The following L3MBTL4 variants were observed in gnomAD, a reference collection of about 807,000 sequenced individuals.
L3MBTL4 encodes L3MBTL histone methyl-lysine binding protein 4.
Under a neutral mutation model 84.5 loss-of-function variants are expected in L3MBTL4, and 70 were observed. The ratio of observed to expected loss-of-function variants is 0.83; its 90% CI spans 0.68 to 1.01. The LOEUF (loss-of-function observed/expected upper bound fraction) is 1.01. Among genes scored for constraint, L3MBTL4 ranks in the 50% least tolerant of loss-of-function variants. The probability of loss-of-function intolerance (pLI) is 0.00; values close to 1 mark genes in which losing one functional copy is unlikely to be tolerated. For missense variants in L3MBTL4, 715 were observed against 754.8 expected (o/e 0.95, Z 0.62); for synonymous variants, 274 against 259.8 (o/e 1.05, Z -0.52).
chr18:5,992,459 C>T (rs915830898), intron 16 of L3MBTL4, among the ~76,000 whole-genome samples: 1 of 152,106 alleles, frequency 6.6e-6, no homozygotes, highest in Non-Finnish European at 1.5e-5. Flanking sequence ...ACCAGGAAAT[C>T]CCCCAAGAAC....
intron 1 of L3MBTL4, among the ~76,000 whole-genome samples, chr18:6,342,681 T>C (rs970834390): frequency 2.0e-5 from 3 of 151,928 alleles, no homozygotes; most frequent in Non-Finnish European, 2.9e-5. Context: ...ATAAATAAAC[T>C]ACAAAACAGT....
rs1350606836 is a variant in L3MBTL4, at chr18:6,414,843, A to G, written c.-133T>C. 1 of 150,504 alleles carries G rather than the reference A, an allele frequency of 6.6e-6. No individual in the cohort carries two copies. Among genetic ancestry groups the G allele is most frequent in the East Asian group, 2.0e-4 (1 of 5,104 alleles). The allele number at this position is 150,504 out of a possible 1,614,324, so 9.3% of individuals were successfully genotyped here. A position where few individuals can be genotyped will look rare whatever the true frequency, so the allele number is the denominator to read the frequency against. On this transcript the variant is annotated 5_prime_UTR_variant, in exon 1 of 19. Coordinates refer to ENST00000317931, the MANE Select transcript of L3MBTL4 (RefSeq NM_001330559.2). This position sits in a 1 kb window ranked among gnomAD's most constrained non-coding sequence, Gnocchi z 5.4. ...CTGCCCGCAACGCCGACCGAGCTAC[A>G]GGCGGGGGGCGAGTCGGAGCGCGAG...
intron 17 of L3MBTL4, among the ~76,000 whole-genome samples, chr18:5,963,524 T>G (rs1303330195): frequency 6.6e-6 from 1 of 152,210 alleles, no homozygotes; most frequent in South Asian, 2.1e-4. Flanking sequence ...CCTCCTCGGC[T>G]TCACACTCCT....
chr18:6,177,860 T>C (rs182767890), intron 12 of L3MBTL4, among the ~76,000 whole-genome samples: 43 of 152,338 alleles, frequency 2.8e-4, no homozygotes, highest in Non-Finnish European at 4.4e-4. Context: ...TAAGTCCATA[T>C]AATGGAGTGA....
At chr18:5,977,803 C>T (rs557794003) in intron 16 of L3MBTL4, among the ~76,000 whole-genome samples, 42 of 152,292 alleles carry the variant, frequency 2.8e-4, no homozygotes, top group Non-Finnish European at 5.1e-4. Context: ...GGCTGGGGCA[C>T]AGACTCCTTG....
intron 12 of L3MBTL4, among the ~76,000 whole-genome samples, chr18:6,181,938 T>C (rs1221579579): frequency 6.6e-6 from 1 of 152,204 alleles, no homozygotes; most frequent in African/African-American, 2.4e-5. Context: ...TGATTCTGTG[T>C]CTTTGCTACT....
rs1720937969 is a variant in L3MBTL4 at position 5,964,563 on chromosome 18, A to AC, written c.1615-4408dup. On this transcript the variant is annotated intron_variant, in intron 17 of 18. Coordinates refer to ENST00000317931, the MANE Select transcript of L3MBTL4 (RefSeq NM_001330559.2). ...TAAGGCTGCTCTGCTTATGAGCAAT[A>AC]CCCCGAATTTTTCAAATCACCCCTT... Among the ~76,000 whole-genome samples the AC allele has an allele frequency of 1.3e-5, 2 of 151,832 alleles. 1 individual carries two copies. Among genetic ancestry groups the AC allele is most frequent in the Non-Finnish European group, 2.9e-5 (2 of 67,992 alleles).
At chr18:6,092,250 A>T (rs938720265) in intron 15 of L3MBTL4, among the ~76,000 whole-genome samples, 1 of 152,248 alleles carries the variant, frequency 6.6e-6, no homozygotes, top group African/African-American at 2.4e-5. Flanking sequence ...TAACATGTGC[A>T]TGAATAAAAA....
chr18:6,043,253 C>T (rs528311598), intron 16 of L3MBTL4, among the ~76,000 whole-genome samples: 3 of 152,288 alleles, frequency 2.0e-5, no homozygotes, highest in East Asian at 3.9e-4. Flanking sequence ...TTTACTCTCC[C>T]TGCTTTAAAC....
chr18:6,116,770 C>T (rs529682903), intron 14 of L3MBTL4, among the ~76,000 whole-genome samples: 12 of 152,284 alleles, frequency 7.9e-5, no homozygotes, highest in South Asian at 2.1e-4. Flanking sequence ...ATAATACATA[C>T]GCATGCTGTT....
chr18:6,085,745 C>T (rs1011745068), intron 15 of L3MBTL4, among the ~76,000 whole-genome samples: 1 of 152,170 alleles, frequency 6.6e-6, no homozygotes, highest in African/African-American at 2.4e-5. Flanking sequence ...AACCTCTTTC[C>T]TTTATAAAGC....
At chr18:6,045,869 CA>C (rs1238116783) in intron 16 of L3MBTL4, among the ~76,000 whole-genome samples, 1 of 152,136 alleles carries the variant, frequency 6.6e-6, no homozygotes, top group African/African-American at 2.4e-5. Flanking sequence ...GCAGTAGGAT[CA>C]AAATCTCATA....
chr18:6,276,397 G>A (rs1206691884), intron 4 of L3MBTL4, among the ~76,000 whole-genome samples: 2 of 152,226 alleles, frequency 1.3e-5, no homozygotes, highest in African/African-American at 2.4e-5. Context: ...CCTGTGTTAG[G>A]TGACAATGAC....
intron 9 of L3MBTL4, among the ~76,000 whole-genome samples, chr18:6,239,057 G>A (rs2146092252): frequency 6.6e-6 from 1 of 152,218 alleles, no homozygotes; most frequent in East Asian, 1.9e-4. Flanking sequence ...AATGTGATAA[G>A]GTGGCCAGGC....
At chr18:6,340,543 AC>A (rs994817883) in intron 1 of L3MBTL4, among the ~76,000 whole-genome samples, 7 of 152,326 alleles carry the variant, frequency 4.6e-5, no homozygotes, top group African/African-American at 1.4e-4. Flanking sequence ...GGGGATGAGT[AC>A]AATAGCATCA....
chr18:6,209,521 T>C (rs952182367), intron 12 of L3MBTL4, among the ~76,000 whole-genome samples: 9 of 149,368 alleles, frequency 6.0e-5, no homozygotes, highest in Non-Finnish European at 1.0e-4. Context: ...TGTGGAGAAA[T>C]TGGAGTCCTC....
chr18:6,398,755 G>A (rs1022606515), intron 1 of L3MBTL4, among the ~76,000 whole-genome samples: 1 of 145,848 alleles, frequency 6.9e-6, no homozygotes, highest in Non-Finnish European at 1.5e-5. Flanking sequence ...GGGGGGCGGG[G>A]GCGGGGGAGA....
chr18:6,357,363 A>G (rs1326965760), intron 1 of L3MBTL4, among the ~76,000 whole-genome samples: 1 of 152,216 alleles, frequency 6.6e-6, no homozygotes, highest in East Asian at 1.9e-4. Flanking sequence ...AGTAATATGT[A>G]AAAGCACCAA....
chr18:6,242,205 C>T (rs1371847596), intron 7 of L3MBTL4, among the ~76,000 whole-genome samples: 1 of 152,148 alleles, frequency 6.6e-6, no homozygotes, highest in East Asian at 1.9e-4. Context: ...CTGCTGTCTC[C>T]CTGAGATGAC....
Sources: allele counts gnomAD v4.1 joint callset (sites outside exome capture counted in the v4.1 genomes callset), GRCh38; gene constraint gnomAD v4.1.1; non-coding constraint Gnocchi (gnomAD v3.1); transcripts MANE v1.5; gene names NCBI Gene and HGNC (gene_info 2026-07-23, HGNC 2026-07-21).